CCSER1: variants seen among roughly 807,000 people sequenced by gnomAD.
The protein encoded by CCSER1 is serine-rich coiled-coil domain-containing protein 1.
CCSER1 carries 41 observed loss-of-function variants against 82.0 expected under a neutral mutation model. The observed-to-expected ratio is 0.50, with a 90% CI of 0.39 to 0.65. The LOEUF (loss-of-function observed/expected upper bound fraction) is 0.65, where lower values mean the gene tolerates loss of function less well. Ranked by LOEUF, CCSER1 falls within the 30% of genes least tolerant of loss-of-function variation. The pLI, the probability that CCSER1 is intolerant of heterozygous loss-of-function variation, is 0.00. For synonymous variants in CCSER1, 414 were observed against 383.9 expected, an observed-to-expected ratio of 1.08 and a Z score of -0.92; for missense variants, 1,119 against 1,064.2, an observed-to-expected ratio of 1.05 and a Z score of -0.72.
At position 91,429,076 on chromosome 4, in the gene CCSER1, A is replaced by G. The variant is rs558704185; in HGVS notation, c.2218-169496A>G. 5.3e-5 allele frequency among the ~76,000 whole-genome samples: 8 copies of G among 152,160 alleles called. No individual in the cohort carries two copies. In the South Asian group the frequency reaches 1.7e-3, roughly 31 times the overall value. ...GCATTGATTTATCTTGTATCAAATT[A>G]AAGAGTTTTTGATAATATTAGTTCT... On this transcript the variant is annotated intron_variant, in intron 10 of 10. Coordinates refer to ENST00000509176, the MANE Select transcript of CCSER1 (RefSeq NM_001145065.2).
chr4:91,119,219 A>G (rs1206458322), intron 10 of CCSER1, among the ~76,000 whole-genome samples: 2 of 152,182 alleles, frequency 1.3e-5, no homozygotes, highest in African/African-American at 2.4e-5. Context: ...CAAAGGAGAA[A>G]AAAGATTAGT....
intron 1 of CCSER1, among the ~76,000 whole-genome samples, chr4:90,187,294 A>G (rs1734778865): frequency 1.3e-5 from 2 of 151,786 alleles, no homozygotes; most frequent in Admixed American, 1.3e-4. Flanking sequence ...ATTCTTAGTG[A>G]TGCATAAAAT....
At chr4:90,532,163 T>C (rs1177039724) in intron 5 of CCSER1, among the ~76,000 whole-genome samples, 3 of 152,164 alleles carry the variant, frequency 2.0e-5, no homozygotes, top group Non-Finnish European at 4.4e-5. Flanking sequence ...CATAGCCTAC[T>C]CCAGCTATTG....
chr4:91,424,183 A>AT (rs1341573165), intron 10 of CCSER1, among the ~76,000 whole-genome samples: 5 of 150,264 alleles, frequency 3.3e-5, no homozygotes, highest in Admixed American at 6.6e-5. Flanking sequence ...CGCCCGGCTA[A>AT]TTTTTTTGTA....
At chr4:91,002,110 G>A (rs370941655) in intron 9 of CCSER1, among the ~76,000 whole-genome samples, 3 of 152,198 alleles carry the variant, frequency 2.0e-5, no homozygotes, top group African/African-American at 7.2e-5. Context: ...TAGAATTTCT[G>A]CTGAGAAATC....
intron 10 of CCSER1, among the ~76,000 whole-genome samples, chr4:91,282,504 A>G (rs929105958): frequency 6.6e-6 from 1 of 152,154 alleles, no homozygotes; most frequent in African/African-American, 2.4e-5. Flanking sequence ...AAATTTACTC[A>G]CAAGTCGCTC....
chr4:90,704,226 C>G (rs1243156158), intron 6 of CCSER1, among the ~76,000 whole-genome samples: 1 of 152,150 alleles, frequency 6.6e-6, no homozygotes, highest in African/African-American at 2.4e-5. Flanking sequence ...TTCTCCTTCA[C>G]TTATGAAGCT....
chr4:91,198,271 T>C (rs1234193040), intron 10 of CCSER1, among the ~76,000 whole-genome samples: 1 of 152,264 alleles, frequency 6.6e-6, no homozygotes, highest in East Asian at 1.9e-4. Flanking sequence ...ATTTTAAAAA[T>C]AGATTTTCAC....
rs564447656 is a variant in CCSER1, at chr4:91,035,454, C to T, written c.2173-50496C>T. Reference sequence around the variant, plus strand: ...GCACAGTGTAGTTGAATATTTTCCTCCATAAAACTGAAGGGCACTGTGCCA... The same window carrying T: ...GCACAGTGTAGTTGAATATTTTCCTTCATAAAACTGAAGGGCACTGTGCCA... On this transcript the variant is annotated intron_variant, in intron 9 of 10. Coordinates refer to ENST00000509176, the MANE Select transcript of CCSER1 (RefSeq NM_001145065.2). 1.8e-4 allele frequency among the ~76,000 whole-genome samples: 27 copies of T among 152,224 alleles called. No homozygotes were observed. In the South Asian group the frequency reaches 4.8e-3, roughly 27 times the overall value.
intron 10 of CCSER1, among the ~76,000 whole-genome samples, chr4:91,162,779 C>A (rs781470093): frequency 6.6e-6 from 1 of 151,946 alleles, no homozygotes; most frequent in African/African-American, 2.4e-5. Flanking sequence ...TGGTCATATC[C>A]CCTTTATCAT....
At chr4:91,401,612 T>C (rs991492087) in intron 10 of CCSER1, among the ~76,000 whole-genome samples, 10 of 151,962 alleles carry the variant, frequency 6.6e-5, no homozygotes, top group African/African-American at 2.4e-4. Context: ...AGTGTTCTCA[T>C]TGTTCAATTC....
At chr4:90,485,518 AC>A (rs766257489) in intron 5 of CCSER1, among the ~76,000 whole-genome samples, 23,350 of 93,318 alleles carry the variant, frequency 0.25, 2,139 homozygotes, top group East Asian at 0.41. Flanking sequence ...TCTTGGCTCC[AC>A]CCCCCCCCCC....
At chr4:90,229,214 C>CAGAGAGAA (rs1743908531) in intron 1 of CCSER1, among the ~76,000 whole-genome samples, 1 of 152,040 alleles carries the variant, frequency 6.6e-6, no homozygotes, top group Non-Finnish European at 1.5e-5. Flanking sequence ...TAAGGGCAGC[C>CAGAGAGAA]AGAGAGAAAG....
intron 10 of CCSER1, among the ~76,000 whole-genome samples, chr4:91,519,660 A>G (rs1437333443): frequency 2.0e-5 from 3 of 152,182 alleles, no homozygotes; most frequent in Admixed American, 6.5e-5. Flanking sequence ...GCAAAGATCT[A>G]TTGAAGAAAT....
chr4:91,290,876 C>T (rs1450690131), intron 10 of CCSER1, among the ~76,000 whole-genome samples: 1 of 151,740 alleles, frequency 6.6e-6, no homozygotes, highest in African/African-American at 2.4e-5. Flanking sequence ...ATAGATAAGA[C>T]ATGTTGTGGG....
Position 90,527,082 on chromosome 4 carries a change from G to A in CCSER1, c.1724+58728G>A, listed in dbSNP as rs562758877. On this transcript the variant is annotated intron_variant, in intron 5 of 10. Transcript: ENST00000509176. ...CACACCAAAAGCAATGGCAACAAAA[G>A]CCAAAACTGACAAATGGGATCTAAT... Among the ~76,000 whole-genome samples, 6 of 152,208 alleles carry A rather than the reference G, an allele frequency of 3.9e-5. No individual in the cohort carries two copies. The East Asian group carries it at 9.7e-4, about 25-fold the overall frequency.
At chr4:90,500,896 A>G (rs1006792265) in intron 5 of CCSER1, among the ~76,000 whole-genome samples, 9 of 152,086 alleles carry the variant, frequency 5.9e-5, no homozygotes, top group Non-Finnish European at 8.8e-5. Flanking sequence ...ATATGATGAT[A>G]ATAATTGGGA....
intron 10 of CCSER1, among the ~76,000 whole-genome samples, chr4:91,462,964 T>G (rs1376990561): frequency 4.6e-5 from 7 of 152,126 alleles, no homozygotes. Context: ...CAGCAGAAAC[T>G]TCTGCAGACT....
chr4:90,686,734 T>A (rs149038395), intron 6 of CCSER1, among the ~76,000 whole-genome samples: 1,878 of 152,272 alleles, frequency 0.012, 14 homozygotes, highest in Non-Finnish European at 0.018. Flanking sequence ...TTTAGCCAAG[T>A]GCTTCAGAAC....
Sources: allele counts gnomAD v4.1 joint callset (sites outside exome capture counted in the v4.1 genomes callset), GRCh38; gene constraint gnomAD v4.1.1; transcripts MANE v1.5; gene names NCBI Gene and HGNC (gene_info 2026-07-23, HGNC 2026-07-21).